ACTR3B: variants seen among roughly 807,000 people sequenced by gnomAD.
ACTR3B encodes the protein actin-related protein 3B.
Under a neutral mutation model 59.0 loss-of-function variants are expected in ACTR3B, and 8 were observed. The observed-to-expected ratio is 0.14, with a 90% CI of 0.08 to 0.24. The LOEUF (loss-of-function observed/expected upper bound fraction) is 0.24. Ranked by LOEUF, ACTR3B falls within the 10% of genes least tolerant of loss-of-function variation. ACTR3B has a pLI of 1.00. For missense variants in ACTR3B, 245 were observed against 552.3 expected (o/e 0.44, Z 5.58); for synonymous variants, 148 against 197.9 (o/e 0.75, Z 2.12).
intron 2 of ACTR3B, among the ~76,000 whole-genome samples, chr7:152,789,047 C>CA (rs760865093): frequency 0.12 from 10,982 of 94,196 alleles, 411 homozygotes; most frequent in African/African-American, 0.23. Flanking sequence ...ACAACAACAA[C>CA]AACAAACAGC....
At chr7:152,766,728 G>A (rs1379411623) in intron 1 of ACTR3B, among the ~76,000 whole-genome samples, 1 of 152,150 alleles carries the variant, frequency 6.6e-6, no homozygotes, top group Non-Finnish European at 1.5e-5. Context: ...TAGATTTTGA[G>A]TCATAGTTAA....
intron 4 of ACTR3B, among the ~76,000 whole-genome samples, chr7:152,807,073 C>T (rs932841554): frequency 2.6e-5 from 4 of 151,974 alleles, no homozygotes; most frequent in Admixed American, 6.6e-5. Context: ...ATCTTGCTGC[C>T]GTAAGTCTGT....
intron 2 of ACTR3B, 23 bp from the exon 3 acceptor site, chr7:152,800,508 T>C (rs760040547): frequency 5.1e-6 from 8 of 1,571,348 alleles, no homozygotes; most frequent in Middle Eastern, 1.7e-4. Context: ...GATAGAAATC[T>C]GTGTGTGTGT....
chr7:152,847,765 G>A (rs1451198849), intron 9 of ACTR3B, among the ~76,000 whole-genome samples: 1 of 152,182 alleles, frequency 6.6e-6, no homozygotes, highest in Non-Finnish European at 1.5e-5. Context: ...GGGCCCCTGG[G>A]ACATATGATT....
At chr7:152,823,775 T>G in intron 8 of ACTR3B, among the ~76,000 whole-genome samples, 1 of 152,032 alleles carries the variant, frequency 6.6e-6, no homozygotes, top group South Asian at 2.1e-4. Flanking sequence ...ACAATAGAAT[T>G]AAAAGTAATC....
At chr7:152,842,427 C>T (rs1441852365) in intron 9 of ACTR3B, among the ~76,000 whole-genome samples, 67 of 150,546 alleles carry the variant, frequency 4.5e-4, no homozygotes, top group African/African-American at 1.4e-3. Flanking sequence ...CAGAATGGTG[C>T]GCAGTTTAAA....
chr7:152,830,153 G>A (rs928772899), intron 9 of ACTR3B, among the ~76,000 whole-genome samples: 1 of 152,240 alleles, frequency 6.6e-6, no homozygotes, highest in African/African-American at 2.4e-5. Flanking sequence ...AGCTGAGTCT[G>A]AGAGCTTGGC....
chr7:152,836,781 A>G (rs1469011611), intron 9 of ACTR3B, among the ~76,000 whole-genome samples: 1 of 152,206 alleles, frequency 6.6e-6, no homozygotes, highest in African/African-American at 2.4e-5. Context: ...CTGTAAGTAA[A>G]GGGATTTTAT....
In ACTR3B at chr7:152,833,376, C is replaced by T. The variant is rs1270007398; in HGVS notation, c.951+8254C>T. Among the ~76,000 whole-genome samples the T allele has an allele frequency of 5.3e-5, 8 of 152,124 alleles. No homozygotes were observed. In the East Asian group the frequency reaches 1.4e-3, roughly 26 times the overall value. On this transcript the variant is annotated intron_variant, in intron 9 of 11. Transcript: ENST00000256001. ...TTCAGACTTCGCTGGGATTGCAGTC[C>T]CTGGGTTCAGTTCAGCAGTAAAAAG... is the stretch of plus-strand genomic sequence containing the variant.
At chr7:152,812,125 C>T (rs566810315) in intron 4 of ACTR3B, 5 of 87,384 alleles carry the variant, frequency 5.7e-5, no homozygotes, top group South Asian at 4.4e-4. Flanking sequence ...CCGCCTCCCA[C>T]GTTCAAGCAA....
At chr7:152,821,356 G>C (rs1796136761) in intron 7 of ACTR3B, among the ~76,000 whole-genome samples, 1 of 151,950 alleles carries the variant, frequency 6.6e-6, no homozygotes, top group South Asian at 2.1e-4. Flanking sequence ...CCCCTTCATA[G>C]TGGCTCACAT....
intron 6 of ACTR3B, among the ~76,000 whole-genome samples, chr7:152,817,744 C>G (rs1795821916): frequency 1.3e-5 from 2 of 152,102 alleles, no homozygotes; most frequent in Admixed American, 6.5e-5. Flanking sequence ...TACATACACA[C>G]AGCTCTTTTA....
At chr7:152,853,054 G>A (rs530158487) in intron 10 of ACTR3B, among the ~76,000 whole-genome samples, 262 of 152,156 alleles carry the variant, frequency 1.7e-3, no homozygotes, top group African/African-American at 5.9e-3. Context: ...GCCTCCCAAA[G>A]TGCTGGGATT....
rs761348878 is a variant in ACTR3B, at chr7:152,759,862, C to T, written c.-21C>T. 18 of 1,295,184 alleles carry T rather than the reference C, an allele frequency of 1.4e-5. No homozygotes were observed. Among genetic ancestry groups the T allele is most frequent in the African/African-American group, 9.2e-5 (6 of 65,466 alleles). The allele number at this position is 1,295,184 out of a possible 1,614,324, so 80.2% of individuals were successfully genotyped here. A position where few individuals can be genotyped will look rare whatever the true frequency, so the allele number is the denominator to read the frequency against. ...GGCGCTCTCGGGCTGCCGGCGGGGC[C>T]GAGCGCCGCGCGTCCCGAGCATGGC... On this transcript the variant is annotated 5_prime_UTR_variant, in exon 1 of 12. Coordinates refer to ENST00000256001, the MANE Select transcript of ACTR3B (RefSeq NM_020445.6).
At chr7:152,812,029 T>TTTTTTTC (rs1795293587) in intron 4 of ACTR3B, 1 of 47,516 alleles carries the variant, frequency 2.1e-5, no homozygotes, top group African/African-American at 5.9e-5. Flanking sequence ...CTTTTTTTTT[T>TTTTTTTC]TTTTTTTTTT....
At position 152,852,186 on chromosome 7, in the gene ACTR3B, G is replaced by A; in HGVS notation, c.1012G>A (p.Asp338Asn). The change falls in exon 10 of 12, where the codon GAT becomes AAT. Residue 338 changes from aspartate (D) to asparagine (N), a missense_variant. Asp to Asn is a conservative substitution (Grantham distance 23). This residue lies in a region of ACTR3B where 153 missense variants were observed against 266.2 expected (regional missense o/e 0.57). Coordinates refer to ENST00000256001, the MANE Select transcript of ACTR3B (RefSeq NM_020445.6). The part of the protein sequence containing the change: ...FRDFGRRLQR[D>N]LKRVVDARLR... Reference sequence around the variant, plus strand: ...GGATTTCGGACGCCGACTGCAGAGGGATTTGAAGAGAGTGGTGGATGCTAG... The same window carrying A: ...GGATTTCGGACGCCGACTGCAGAGGAATTTGAAGAGAGTGGTGGATGCTAG... The A allele has an allele frequency of 6.2e-7, 1 of 1,609,562 alleles. No individual in the cohort carries two copies. Among genetic ancestry groups the A allele is most frequent in the Non-Finnish European group, 8.5e-7 (1 of 1,177,564 alleles).
chr7:152,850,473 A>T (rs1022893201), intron 9 of ACTR3B, among the ~76,000 whole-genome samples: 1 of 151,692 alleles, frequency 6.6e-6, no homozygotes, highest in Non-Finnish European at 1.5e-5. Flanking sequence ...ATCACTGGTC[A>T]CTTCTCCAGG....
chr7:152,847,006 G>T (rs1376977565), intron 9 of ACTR3B, among the ~76,000 whole-genome samples: 1 of 149,466 alleles, frequency 6.7e-6, no homozygotes, highest in Non-Finnish European at 1.5e-5. Context: ...AGTCTGCAGT[G>T]AGCTCTAGTG....
At chr7:152,786,975 T>C (rs2098176877) in intron 2 of ACTR3B, among the ~76,000 whole-genome samples, 1 of 152,220 alleles carries the variant, frequency 6.6e-6, no homozygotes, top group Admixed American at 6.5e-5. Context: ...CAGTTCTCTG[T>C]TATATAAAAT....
Sources: allele counts gnomAD v4.1 joint callset (sites outside exome capture counted in the v4.1 genomes callset), GRCh38; gene constraint gnomAD v4.1.1; regional missense constraint gnomAD v4.1.1; transcripts MANE v1.5; gene names NCBI Gene and HGNC (gene_info 2026-07-23, HGNC 2026-07-21).